The following PTPRG variants were observed in gnomAD, a reference collection of about 807,000 sequenced individuals.
PTPRG encodes the protein protein tyrosine phosphatase receptor type G.
In PTPRG, 102 loss-of-function variants were observed where a neutral mutation model predicts 165.3. The ratio of observed to expected loss-of-function variants is 0.62; its 90% CI spans 0.53 to 0.73. The LOEUF (loss-of-function observed/expected upper bound fraction) is 0.73, where lower values mean the gene tolerates loss of function less well. Among genes scored for constraint, PTPRG ranks in the 30% least tolerant of loss-of-function variants. The pLI is 0.00. For missense variants in PTPRG, 1,866 were observed against 1,861.4 expected, an observed-to-expected ratio of 1.00 and a Z score of -0.05; for synonymous variants, 675 against 669.5, an observed-to-expected ratio of 1.01 and a Z score of -0.13.
chr3:61,954,440 G>A (rs1028153970), intron 2 of PTPRG, among the ~76,000 whole-genome samples: 2 of 152,120 alleles, frequency 1.3e-5, no homozygotes, highest in Non-Finnish European at 2.9e-5. Flanking sequence ...CTTAGGGCTG[G>A]GGAAAGCTAT....
rs1372137240 is a variant in PTPRG, at chr3:62,081,276, AC to A, written c.615+3019del. On this transcript the variant is annotated intron_variant, in intron 5 of 29. Transcript: ENST00000474889. ...CGTCTCAAAACAAACAAACAAACAA[AC>A]AAACAAACAAACAAACAAAAACATA... Among the ~76,000 whole-genome samples, 261 of 150,960 alleles carry A rather than the reference AC, an allele frequency of 1.7e-3. 25 individuals are homozygous for A. Among genetic ancestry groups the A allele is most frequent in the African/African-American group, 6.1e-3 (246 of 40,482 alleles).
chr3:62,096,155 G>A (rs1702100651), intron 5 of PTPRG, among the ~76,000 whole-genome samples: 1 of 151,960 alleles, frequency 6.6e-6, no homozygotes, highest in Middle Eastern at 3.2e-3. Flanking sequence ...CTGGGACCTC[G>A]GGAAAAATGA....
intron 29 of PTPRG, 135 bp downstream of exon 29, chr3:62,292,691 C>A: frequency 1.1e-6 from 1 of 937,712 alleles, no homozygotes; most frequent in Non-Finnish European, 1.6e-6. Flanking sequence ...GACTTTTTTG[C>A]TTGTCACAAC....
chr3:61,985,153 G>A (rs1365633351), intron 2 of PTPRG, among the ~76,000 whole-genome samples: 5 of 152,218 alleles, frequency 3.3e-5, no homozygotes, highest in Admixed American at 6.5e-5. Context: ...CCAGAGGGGC[G>A]AACTCTACTT....
At chr3:62,058,458 C>T (rs1003487649) in intron 4 of PTPRG, among the ~76,000 whole-genome samples, 1 of 152,098 alleles carries the variant, frequency 6.6e-6, no homozygotes, top group African/African-American at 2.4e-5. Flanking sequence ...TGAGCCACTG[C>T]ACCCAGCTGG....
chr3:62,138,732 A>G (rs570394001), intron 6 of PTPRG, among the ~76,000 whole-genome samples: 3,340 of 151,744 alleles, frequency 0.022, 94 homozygotes, highest in African/African-American at 0.059. Context: ...AAAAAAAAAA[A>G]AAAAGAAAGA....
At chr3:62,094,562 C>T (rs1575995696) in intron 5 of PTPRG, among the ~76,000 whole-genome samples, 1 of 152,246 alleles carries the variant, frequency 6.6e-6, no homozygotes, top group South Asian at 2.1e-4. Flanking sequence ...TGGTTGTTGA[C>T]GGTTATTGCC....
intron 2 of PTPRG, among the ~76,000 whole-genome samples, chr3:61,953,215 C>G (rs1040036197): frequency 5.9e-5 from 9 of 152,252 alleles, no homozygotes; most frequent in Admixed American, 1.3e-4. Flanking sequence ...TAATCACTTC[C>G]TTCAGGAGGC....
intron 1 of PTPRG, among the ~76,000 whole-genome samples, chr3:61,744,945 G>C (rs1575627251): frequency 6.6e-6 from 1 of 151,752 alleles, no homozygotes; most frequent in East Asian, 1.9e-4. Context: ...TATGTAAACA[G>C]GTACATAACA....
In PTPRG at chr3:61,930,728, A is replaced by T. The variant is rs2039338587; in HGVS notation, c.191-58897A>T. Among the ~76,000 whole-genome samples the T allele has an allele frequency of 2.0e-5, 3 of 152,278 alleles. No individual in the cohort carries two copies. The South Asian group carries it at 6.2e-4, about 32-fold the overall frequency. ...TATAGTTAGAGAAATAATATAGGTA[A>T]TTATGCTGTCGAACCACTGTAAAGG... On this transcript the variant is annotated intron_variant, in intron 2 of 29. Transcript: ENST00000474889.
chr3:62,278,815 T>C (rs1702326332), intron 26 of PTPRG, among the ~76,000 whole-genome samples: 1 of 152,094 alleles, frequency 6.6e-6, no homozygotes, highest in Admixed American at 6.6e-5. Context: ...GGGTCTATTC[T>C]GTTTGGCATG....
chr3:61,767,586 G>C (rs2034066194), intron 2 of PTPRG, among the ~76,000 whole-genome samples: 1 of 152,194 alleles, frequency 6.6e-6, no homozygotes, highest in Admixed American at 6.5e-5. Context: ...GGGAAAGCTA[G>C]AATATAAAAG....
intron 2 of PTPRG, among the ~76,000 whole-genome samples, chr3:61,975,956 C>T (rs1393907087): frequency 6.6e-6 from 1 of 152,124 alleles, no homozygotes; most frequent in Admixed American, 6.5e-5. Flanking sequence ...TTGCCAAATG[C>T]CCCCACTGTC....
At chr3:61,614,518 T>C (rs1701255145) in intron 1 of PTPRG, among the ~76,000 whole-genome samples, 1 of 148,126 alleles carries the variant, frequency 6.8e-6, no homozygotes, top group African/African-American at 2.5e-5. Flanking sequence ...CAAGTGATCC[T>C]GCCACCTCAG....
chr3:61,817,011 A>G (rs1163535522), intron 2 of PTPRG, among the ~76,000 whole-genome samples: 2 of 109,726 alleles, frequency 1.8e-5, no homozygotes, highest in Non-Finnish European at 3.6e-5. Context: ...TAATATAAAT[A>G]TATATACTAT....
chr3:61,717,506 G>A (rs1299674719), intron 1 of PTPRG, among the ~76,000 whole-genome samples: 1 of 152,086 alleles, frequency 6.6e-6, no homozygotes, highest in Non-Finnish European at 1.5e-5. Flanking sequence ...ATGATTTGTG[G>A]GCCAGGAGTG....
intron 1 of PTPRG, among the ~76,000 whole-genome samples, chr3:61,628,201 T>C (rs1701665655): frequency 6.6e-6 from 1 of 152,222 alleles, no homozygotes; most frequent in South Asian, 2.1e-4. Flanking sequence ...GAATTAGATA[T>C]ATGTGGCTCT....
chr3:61,733,056 A>C (rs1438542470), intron 1 of PTPRG, among the ~76,000 whole-genome samples: 1 of 152,204 alleles, frequency 6.6e-6, no homozygotes, highest in African/African-American at 2.4e-5. Flanking sequence ...ATCTCTTAAA[A>C]GGACAGTCAA....
intron 2 of PTPRG, among the ~76,000 whole-genome samples, chr3:61,795,861 C>A (rs1559616418): frequency 2.0e-5 from 3 of 152,126 alleles, no homozygotes; most frequent in Non-Finnish European, 1.5e-5. Context: ...AGTAAAAGTT[C>A]GTATGGCTTT....
Sources: allele counts gnomAD v4.1 joint callset (sites outside exome capture counted in the v4.1 genomes callset), GRCh38; gene constraint gnomAD v4.1.1; transcripts MANE v1.5; gene names NCBI Gene and HGNC (gene_info 2026-07-23, HGNC 2026-07-21).